FGD4: variants seen among roughly 807,000 people sequenced by gnomAD.
FGD4 encodes FYVE, RhoGEF and PH domain containing 4, also known as FYVE, RhoGEF and PH domain-containing protein 4.
A neutral mutation model predicts 102.0 loss-of-function variants in FGD4; 42 were observed. The observed-to-expected ratio is 0.41, with a 90% confidence interval of 0.32 to 0.53. The LOEUF is 0.53. Among genes scored for constraint, FGD4 ranks in the 20% least tolerant of loss-of-function variants. The probability of loss-of-function intolerance (pLI) is 0.21; values close to 1 mark genes in which losing one functional copy is unlikely to be tolerated. For synonymous variants in FGD4, 380 were observed against 375.7 expected, an observed-to-expected ratio of 1.01 and a Z score of -0.13; for missense variants, 902 against 1,078.2, an observed-to-expected ratio of 0.84 and a Z score of 2.29.
At chr12:32,624,901 T>C (rs1465152543) in intron 12 of FGD4, 75 bp from the exon 13 acceptor site, 2 of 1,236,102 alleles carry the variant, frequency 1.6e-6, no homozygotes, top group East Asian at 2.3e-5. Flanking sequence ...ATCATAGATA[T>C]TTGTTTGATA....
intron 1 of FGD4, among the ~76,000 whole-genome samples, chr12:32,480,638 T>C (rs570826028): frequency 1.4e-3 from 207 of 151,240 alleles, no homozygotes; most frequent in Middle Eastern, 3.5e-3. Flanking sequence ...GTAGCTGGGA[T>C]TACAGGCACG....
intron 1 of FGD4, among the ~76,000 whole-genome samples, chr12:32,489,340 G>A (rs1030325488): frequency 1.6e-4 from 24 of 152,296 alleles, no homozygotes; most frequent in Admixed American, 9.1e-4. Context: ...GTTGCATATG[G>A]AGTTCATAAA....
intron 3 of FGD4, among the ~76,000 whole-genome samples, chr12:32,577,769 G>A (rs1946249833): frequency 6.6e-6 from 1 of 152,058 alleles, no homozygotes; most frequent in South Asian, 2.1e-4. Flanking sequence ...TTGCTGCTCA[G>A]GGTAAATTGA....
At chr12:32,480,400 G>C (rs1352431291) in intron 1 of FGD4, among the ~76,000 whole-genome samples, 1 of 152,042 alleles carries the variant, frequency 6.6e-6, no homozygotes, top group Non-Finnish European at 1.5e-5. Flanking sequence ...TTGTCTTCGT[G>C]ATCCGCCCAC....
At chr12:32,564,607 T>C (rs1183044845) in intron 2 of FGD4, among the ~76,000 whole-genome samples, 1 of 152,226 alleles carries the variant, frequency 6.6e-6, no homozygotes, top group Non-Finnish European at 1.5e-5. Context: ...TAAATGTGTT[T>C]GGAGCTACTG....
intron 1 of FGD4, among the ~76,000 whole-genome samples, chr12:32,530,956 T>TTG (rs1941746205): frequency 7.6e-6 from 1 of 131,726 alleles, no homozygotes; most frequent in South Asian, 2.7e-4. Flanking sequence ...TTTTTTTTTT[T>TTG]TTTTTTTTTT....
intron 4 of FGD4, 147 bp downstream of exon 4, chr12:32,582,614 T>G (rs1946707647): frequency 5.0e-6 from 5 of 1,005,010 alleles, no homozygotes; most frequent in South Asian, 1.4e-5. Flanking sequence ...GGCTGCTGAT[T>G]AGCATTTCCC....
chr12:32,413,640 C>T (rs1313805257), intron 1 of FGD4, among the ~76,000 whole-genome samples: 1 of 152,178 alleles, frequency 6.6e-6, no homozygotes, highest in African/African-American at 2.4e-5. Flanking sequence ...CTGGCTTATG[C>T]ATCTGGTGGG....
At chr12:32,491,040 A>ATTTGT (rs1053471133) in intron 1 of FGD4, among the ~76,000 whole-genome samples, 1 of 141,884 alleles carries the variant, frequency 7.0e-6, no homozygotes, top group East Asian at 2.2e-4. Context: ...GCCCTGCCTG[A>ATTTGT]TTTGTTTTGT....
At chr12:32,493,129 G>C (rs1363114441) in intron 1 of FGD4, among the ~76,000 whole-genome samples, 2 of 152,230 alleles carry the variant, frequency 1.3e-5, no homozygotes, top group Non-Finnish European at 2.9e-5. Context: ...AGCCAGGAAG[G>C]TGGAAATCTA....
At chr12:32,563,601 C>T (rs1380764235) in intron 1 of FGD4, among the ~76,000 whole-genome samples, 5 of 151,974 alleles carry the variant, frequency 3.3e-5, no homozygotes, top group Admixed American at 6.5e-5. Flanking sequence ...GACGGGGTGG[C>T]GGCCGGGCAG....
intron 2 of FGD4, among the ~76,000 whole-genome samples, chr12:32,575,895 T>C (rs1407901352): frequency 1.3e-5 from 2 of 152,252 alleles, no homozygotes; most frequent in Non-Finnish European, 2.9e-5. Flanking sequence ...GCAGACAATG[T>C]ATCTCTAGGA....
chr12:32,547,902 T>G (rs879624810), intron 1 of FGD4, among the ~76,000 whole-genome samples: 14 of 152,098 alleles, frequency 9.2e-5, no homozygotes, highest in Admixed American at 4.6e-4. Flanking sequence ...GACGGGGTTT[T>G]ACCATGTTGG....
chr12:32,505,179 G>A (rs34792203), intron 1 of FGD4, among the ~76,000 whole-genome samples: 6,208 of 152,146 alleles, frequency 0.041, 139 homozygotes, highest in Middle Eastern at 0.15. Flanking sequence ...GAATCTGTTC[G>A]CATTTTTCAC....
At chr12:32,598,031 T>C (rs1592350234) in intron 4 of FGD4, among the ~76,000 whole-genome samples, 1 of 152,190 alleles carries the variant, frequency 6.6e-6, no homozygotes, top group East Asian at 1.9e-4. Flanking sequence ...TGTGCTCAAG[T>C]GATCCTCCCT....
chr12:32,529,390 G>A (rs994556395), intron 1 of FGD4, among the ~76,000 whole-genome samples: 5 of 152,032 alleles, frequency 3.3e-5, no homozygotes, highest in African/African-American at 7.2e-5. Context: ...CTCCCGAACT[G>A]CTGGGATTAC....
intron 1 of FGD4, 72 bp from the exon 2 acceptor site, chr12:32,564,065 A>C: frequency 1.4e-6 from 2 of 1,414,438 alleles, no homozygotes; most frequent in Non-Finnish European, 1.9e-6. Flanking sequence ...GGGAGAGGGG[A>C]AATTTAACTT....
At chr12:32,591,774 A>G (rs1947493518) in intron 4 of FGD4, among the ~76,000 whole-genome samples, 1 of 152,228 alleles carries the variant, frequency 6.6e-6, no homozygotes, top group Non-Finnish European at 1.5e-5. Flanking sequence ...ACTGCAGTAC[A>G]TTCATGAAGC....
intron 1 of FGD4, among the ~76,000 whole-genome samples, chr12:32,559,310 CATG>C (rs1944354554): frequency 6.6e-6 from 1 of 152,138 alleles, no homozygotes; most frequent in African/African-American, 2.4e-5. Context: ...CTTCTTTTAC[CATG>C]ATTTGTTTAA....
Sources: gnomAD v4.1 joint callset for allele counts (sites outside exome capture counted in the v4.1 genomes callset) on GRCh38, gnomAD v4.1.1 for gene constraint, MANE v1.5 for transcripts, NCBI Gene and HGNC (gene_info 2026-07-23, HGNC 2026-07-21) for gene names.